SHISA7: variants seen among roughly 807,000 people sequenced by gnomAD.
The protein encoded by SHISA7 is shisa family member 7, also known as protein shisa-7.
SHISA7 carries 6 observed loss-of-function variants against 23.9 expected under a neutral mutation model. The ratio of observed to expected loss-of-function variants is 0.25; its 90% CI spans 0.14 to 0.50. SHISA7 has a LOEUF of 0.50. Among genes scored for constraint, SHISA7 ranks in the 20% least tolerant of loss-of-function variants. The pLI is 0.98. For missense variants in SHISA7, 671 were observed against 801.1 expected, an observed-to-expected ratio of 0.84 and a Z score of 1.96; for synonymous variants, 386 against 398.3, an observed-to-expected ratio of 0.97 and a Z score of 0.37.
rs1024954883 is a variant in SHISA7, at chr19:55,433,392, G to C, written c.1381C>G (p.Pro461Ala). Residue 461 changes from proline (P) to alanine (A), a missense_variant, in exon 4 of 4, where the codon CCC becomes GCC. By Grantham distance (27) the Pro-to-Ala change is conservative. Around this residue, in one of 5 missense-constraint regions of SHISA7, gnomAD observed 457 missense variants for 488.3 expected, o/e 0.94. Coordinates refer to ENST00000376325, the MANE Select transcript of SHISA7 (RefSeq NM_001145176.2). This position sits in a 1 kb window ranked among gnomAD's most constrained non-coding sequence, Gnocchi z 8.4. Reference sequence around the variant, plus strand: ...GGCAGCCCGCGCAGCGGTGTTGGGGGCCCCCCGGGCCCCAGCAGCAGGTTG... The same window carrying C: ...GGCAGCCCGCGCAGCGGTGTTGGGGCCCCCCCGGGCCCCAGCAGCAGGTTG... ...HSNLLLGPGG[P>A]PTPLRGLPPP... is the part of the protein sequence containing the mutation. 37 of 1,326,610 alleles carry C rather than the reference G, an allele frequency of 2.8e-5. No individual in the cohort carries two copies. Among genetic ancestry groups the C allele is most frequent in the African/African-American group, 6.2e-5 (4 of 64,470 alleles). 82.2% of individuals were successfully genotyped at this position (1,326,610 alleles called of 1,614,324 possible). A position where few individuals can be genotyped will look rare whatever the true frequency, so the allele number is the denominator to read the frequency against.
rs1985574610 is a variant in SHISA7 at position 55,440,562 on chromosome 19, G to A, written c.826+49C>T. ...ATGGAGGGCGGGGCTACATGATGAAGGGGCGTGGCCAGAGACGGAGGCTGC... is the reference window on the plus strand; with the variant it reads ...ATGGAGGGCGGGGCTACATGATGAAAGGGCGTGGCCAGAGACGGAGGCTGC... On this transcript the variant is annotated intron_variant, in intron 2 of 3. Coordinates refer to ENST00000376325, the MANE Select transcript of SHISA7 (RefSeq NM_001145176.2). 4 of 1,248,282 alleles carry A rather than the reference G, an allele frequency of 3.2e-6. No individual in the cohort carries two copies. In the East Asian group the frequency reaches 1.3e-4, roughly 39 times the overall value. The allele number at this position is 1,248,282 out of a possible 1,614,324, so 77.3% of individuals were successfully genotyped here.
At chr19:55,438,556 C>T (rs753473930) in intron 2 of SHISA7, 7 of 1,304,182 alleles carry the variant, frequency 5.4e-6, no homozygotes, top group Middle Eastern at 4.2e-4. Context: ...GGCCCTCTTC[C>T]GCACCCAGTG....
At chr19:55,439,436 A>G (rs1412279192) in intron 2 of SHISA7, among the ~76,000 whole-genome samples, 1 of 152,052 alleles carries the variant, frequency 6.6e-6, no homozygotes, top group Non-Finnish European at 1.5e-5. Context: ...TGCCCTTTGC[A>G]TGGGTTCCAG....
intron 1 of SHISA7, among the ~76,000 whole-genome samples, chr19:55,441,805 A>G (rs1985604025): frequency 6.6e-6 from 1 of 152,194 alleles, no homozygotes; most frequent in African/African-American, 2.4e-5. Context: ...GAAACTGAGG[A>G]ACAGAGACGT....
chr19:55,440,846 CT>C, intron 1 of SHISA7, 81 bp from the exon 2 acceptor site: 1 of 1,197,016 alleles, frequency 8.4e-7, no homozygotes, highest in Non-Finnish European at 1.0e-6. Flanking sequence ...CCGCTCCCTG[CT>C]CTCGCCCTTG....
At chr19:55,435,278 CGT>C (rs574512113) in intron 3 of SHISA7, among the ~76,000 whole-genome samples, 817 of 75,262 alleles carry the variant, frequency 0.011, 11 homozygotes, top group African/African-American at 0.04. Flanking sequence ...TGCGTGTGTG[CGT>C]GTGTGTATAT....
At chr19:55,434,174 A>G (rs1251046442) in intron 3 of SHISA7, among the ~76,000 whole-genome samples, 2 of 152,188 alleles carry the variant, frequency 1.3e-5, no homozygotes, top group Non-Finnish European at 2.9e-5. Context: ...ATGAAATCAA[A>G]TAGAACAGAA....
Position 55,429,317 on chromosome 19 carries a change from G to A in SHISA7, c.*3839C>T, listed in dbSNP as rs1232790967. On this transcript the variant is annotated 3_prime_UTR_variant, in exon 4 of 4. Coordinates refer to ENST00000376325, the MANE Select transcript of SHISA7 (RefSeq NM_001145176.2). ...TGTTCCGCGGAGGTGTTGAGCAGAG[G>A]GGAGGGGGCTGGGAGGGGGTGGGTG... 3 of 152,810 alleles carry A rather than the reference G, an allele frequency of 2.0e-5. No homozygotes were observed. The highest frequency in any genetic ancestry group is 7.2e-5 in the African/African-American group (3 of 41,452). The allele number at this position is 152,810 out of a possible 1,614,324, so 9.5% of individuals were successfully genotyped here.
intron 3 of SHISA7, among the ~76,000 whole-genome samples, chr19:55,436,490 C>T (rs1230716015): frequency 6.6e-6 from 1 of 151,724 alleles, no homozygotes. Context: ...GTAATCCCAG[C>T]TACTCAGGGG....
At chr19:55,435,322 GGTGTGTGTGGT>G (rs1985423450) in intron 3 of SHISA7, among the ~76,000 whole-genome samples, 1 of 106,094 alleles carries the variant, frequency 9.4e-6, no homozygotes, top group South Asian at 3.7e-4. Context: ...TGTGTGTGTG[GGTGTGTGTGGT>G]GTGTGTGTAT....
chr19:55,441,852 G>C (rs1005227724), intron 1 of SHISA7, among the ~76,000 whole-genome samples: 1 of 152,248 alleles, frequency 6.6e-6, no homozygotes, highest in African/African-American at 2.4e-5. Context: ...CCTGTAGGCT[G>C]TGAACTTGGA....
chr19:55,442,654 G>GCCCGC lies in SHISA7; in HGVS notation c.205_209dup (p.Ala71ArgfsTer75). The GCCCGC allele has an allele frequency of 7.8e-7, 1 of 1,281,046 alleles. No individual in the cohort carries two copies. Among genetic ancestry groups the GCCCGC allele is most frequent in the East Asian group, 4.0e-5 (1 of 24,810 alleles). 79.4% of individuals were successfully genotyped at this position (1,281,046 alleles called of 1,614,324 possible). ...CGGGAGGGGGCGCCCGGGCCGCCGCGCCCGCCCCGCCCGCGGGGCCGGTCC... is the reference window on the plus strand; with the variant it reads ...CGGGAGGGGGCGCCCGGGCCGCCGCGCCCGCCCCGCCCCGCCCGCGGGGCCGGTCC... On this transcript the variant is annotated frameshift_variant, in exon 1 of 4. Transcript: ENST00000376325. LOFTEE classifies it high-confidence loss of function.
At chr19:55,438,369 G>C (rs1985517941) in intron 2 of SHISA7, among the ~76,000 whole-genome samples, 1 of 152,216 alleles carries the variant, frequency 6.6e-6, no homozygotes, top group South Asian at 2.1e-4. Context: ...GTGGGAGAGA[G>C]ATGACCACTT....
At chr19:55,439,601 C>T (rs1174601000) in intron 2 of SHISA7, among the ~76,000 whole-genome samples, 1 of 152,230 alleles carries the variant, frequency 6.6e-6, no homozygotes, top group Non-Finnish European at 1.5e-5. Context: ...TCCCTGGCCT[C>T]AAGTCTGGTC....
At chr19:55,438,873 C>A (rs996473974) in intron 2 of SHISA7, among the ~76,000 whole-genome samples, 1 of 126,328 alleles carries the variant, frequency 7.9e-6, no homozygotes, top group Non-Finnish European at 1.6e-5. Context: ...TCTTAGCACC[C>A]CCCCCCCTGG....
At position 55,442,163 on chromosome 19, in the gene SHISA7, C is replaced by G. The variant is rs774813094; in HGVS notation, c.671+30G>C. On this transcript the variant is annotated intron_variant, in intron 1 of 3. Transcript: ENST00000376325. ...CCCTTGCTGGGCCCCGCCCCAGGCT[C>G]GCAGTCCTCCCGCCCGAGAGCACAC... 23 of 1,519,572 alleles carry G rather than the reference C, an allele frequency of 1.5e-5. No individual in the cohort carries two copies. The African/African-American group carries it at 2.1e-4, about 14-fold the overall frequency. The allele number at this position is 1,519,572 out of a possible 1,614,324, so 94.1% of individuals were successfully genotyped here. A position where few individuals can be genotyped will look rare whatever the true frequency, so the allele number is the denominator to read the frequency against.
chr19:55,441,549 TC>T (rs1216263312), intron 1 of SHISA7, among the ~76,000 whole-genome samples: 2 of 152,280 alleles, frequency 1.3e-5, no homozygotes, highest in Middle Eastern at 3.4e-3. Context: ...CGTGGTTCGC[TC>T]CCTCCCTTCG....
chr19:55,433,078 T>G lies in SHISA7; in HGVS notation c.*78A>C. ...CGATCTGGGCCCCAGGCCCCTGGCA[T>G]GTGTGCGCCTGTGTCGGGGGATCCA... On this transcript the variant is annotated 3_prime_UTR_variant, in exon 4 of 4. Coordinates refer to ENST00000376325, the MANE Select transcript of SHISA7 (RefSeq NM_001145176.2). The surrounding 1 kb of genome is among the most constrained non-coding windows in gnomAD (Gnocchi z 8.4). 1.4e-6 allele frequency: 2 copies of G among 1,420,558 alleles called. No homozygotes were observed. Among genetic ancestry groups the G allele is most frequent in the African/African-American group, 1.5e-5 (1 of 66,644 alleles). The allele number at this position is 1,420,558 out of a possible 1,614,324, so 88.0% of individuals were successfully genotyped here.
chr19:55,441,732 A>G (rs1406634035), intron 1 of SHISA7, among the ~76,000 whole-genome samples: 1 of 152,222 alleles, frequency 6.6e-6, no homozygotes, highest in Non-Finnish European at 1.5e-5. Context: ...CCCTGCACGA[A>G]TCAACTCAGT....
Sources: gnomAD v4.1 joint callset for allele counts (sites outside exome capture counted in the v4.1 genomes callset) on GRCh38, gnomAD v4.1.1 for gene constraint, gnomAD v4.1.1 regional missense constraint, Gnocchi (gnomAD v3.1) non-coding constraint, MANE v1.5 for transcripts, NCBI Gene and HGNC (gene_info 2026-07-23, HGNC 2026-07-21) for gene names.